Variants in MACO1 observed in about 807,000 individuals in gnomAD.
The protein encoded by MACO1 is macoilin.
A neutral mutation model predicts 78.7 loss-of-function variants in MACO1; 14 were observed. The observed-to-expected ratio is 0.18, with a 90% CI of 0.12 to 0.28. The LOEUF is 0.28. MACO1 is among the 10% of genes least tolerant of loss of function. MACO1 has a pLI of 1.00. For missense variants in MACO1, 501 were observed against 799.0 expected (o/e 0.63, Z 4.50); for synonymous variants, 288 against 291.6 (o/e 0.99, Z 0.12).
At chr1:25,491,635 G>T in intron 10 of MACO1, 51 bp downstream of exon 10, 2 of 1,548,550 alleles carry the variant, frequency 1.3e-6, no homozygotes, top group Non-Finnish European at 1.8e-6. Flanking sequence ...AATGCACAGG[G>T]ATGCACAGGC....
chr1:25,443,457 A>G (rs2042988734), intron 1 of MACO1, among the ~76,000 whole-genome samples: 1 of 152,234 alleles, frequency 6.6e-6, no homozygotes, highest in South Asian at 2.1e-4. Context: ...TAAAAGATCA[A>G]GTTTTCTTAG....
At chr1:25,432,258 T>A (rs2042882111) in intron 1 of MACO1, among the ~76,000 whole-genome samples, 1 of 152,242 alleles carries the variant, frequency 6.6e-6, no homozygotes, top group African/African-American at 2.4e-5. Flanking sequence ...CCAAGTTGTC[T>A]TAACATAACT....
chr1:25,476,307 A>G (rs2124601637), intron 6 of MACO1, among the ~76,000 whole-genome samples: 1 of 152,342 alleles, frequency 6.6e-6, no homozygotes, highest in East Asian at 1.9e-4. Flanking sequence ...GAGCAGAGAC[A>G]TAAAGTACTT....
chr1:25,454,564 C>T (rs533198845), intron 4 of MACO1, among the ~76,000 whole-genome samples, 182 bp downstream of exon 4: 2 of 150,080 alleles, frequency 1.3e-5, no homozygotes, highest in South Asian at 4.2e-4. Context: ...GTTATGCAAC[C>T]TCTGCCTCCC....
intron 3 of MACO1, 38 bp from the exon 4 acceptor site, chr1:25,454,221 C>T (rs1263006782): frequency 2.0e-6 from 3 of 1,530,608 alleles, no homozygotes; most frequent in East Asian, 4.9e-5. Flanking sequence ...GTTACTATAT[C>T]GTTTATTAAT....
intron 10 of MACO1, among the ~76,000 whole-genome samples, chr1:25,492,928 A>G (rs2043499830): frequency 6.6e-6 from 1 of 152,198 alleles, no homozygotes; most frequent in Non-Finnish European, 1.5e-5. Context: ...GTGCCTGCCC[A>G]TAGTCCCAGC....
intron 1 of MACO1, among the ~76,000 whole-genome samples, chr1:25,446,035 G>A (rs942006751): frequency 2.6e-5 from 4 of 152,094 alleles, no homozygotes; most frequent in Admixed American, 2.0e-4. Flanking sequence ...GTCCTAACTG[G>A]CTTGTCTGAG....
rs1396615952 is a variant in MACO1 at position 25,499,027 on chromosome 1, T to C, written c.*561T>C. Reference sequence around the variant, plus strand: ...ACCAAACAGATTCAAGGAGCATCATTTAAGCTAAGAAGAGACCTAAGTGAT... The same window carrying C: ...ACCAAACAGATTCAAGGAGCATCATCTAAGCTAAGAAGAGACCTAAGTGAT... On this transcript the variant is annotated 3_prime_UTR_variant, in exon 11 of 11. Coordinates refer to ENST00000374343, the MANE Select transcript of MACO1 (RefSeq NM_018202.6). 6.6e-6 allele frequency: 1 copy of C among 152,380 alleles called. No homozygotes were observed. Among genetic ancestry groups the C allele is most frequent in the Non-Finnish European group, 1.5e-5 (1 of 68,186 alleles). The allele number at this position is 152,380 out of a possible 1,614,324, so 9.4% of individuals were successfully genotyped here.
intron 6 of MACO1, among the ~76,000 whole-genome samples, chr1:25,468,416 A>G (rs1358167488): frequency 6.6e-6 from 1 of 152,226 alleles, no homozygotes; most frequent in Non-Finnish European, 1.5e-5. Flanking sequence ...CTTACCCTGC[A>G]GAGAGGCCAC....
At chr1:25,471,629 A>G (rs1422408872) in intron 6 of MACO1, among the ~76,000 whole-genome samples, 3 of 152,188 alleles carry the variant, frequency 2.0e-5, no homozygotes, top group African/African-American at 7.2e-5. Context: ...TGAATTAATA[A>G]ATGCTACCTT....
rs1190646046 is a variant in MACO1, at chr1:25,458,556, A to G, written c.818A>G (p.Asn273Ser). Residue 273 changes from asparagine to serine, a missense_variant, in exon 6 of 11, where the codon AAC becomes AGC. By Grantham distance (46) the Asn-to-Ser change is conservative. Around this residue, in one of 5 missense-constraint regions of MACO1, gnomAD observed 90 missense variants for 85.7 expected, o/e 1.05. Transcript: ENST00000374343. ...AKKHNLGINN[N>S]NILQPVDSKI... Reference sequence around the variant, plus strand: ...AAACACAACCTTGGAATAAATAACAACAATATTCTACAACCTGTAGACTCT... The same window carrying G: ...AAACACAACCTTGGAATAAATAACAGCAATATTCTACAACCTGTAGACTCT... 1 of 1,613,954 alleles carries G rather than the reference A, an allele frequency of 6.2e-7. No individual in the cohort carries two copies. The highest frequency in any genetic ancestry group is 8.5e-7 in the Non-Finnish European group (1 of 1,180,014).
intron 6 of MACO1, among the ~76,000 whole-genome samples, chr1:25,462,736 C>A (rs1350928490): frequency 6.6e-6 from 1 of 152,218 alleles, no homozygotes; most frequent in Non-Finnish European, 1.5e-5. Context: ...AAGGAGAATT[C>A]TTATAGCTCG....
In MACO1 at chr1:25,458,791, G is replaced by A. The variant is rs1557665109; in HGVS notation, c.1053G>A (p.Glu351=). 1 of 1,614,142 alleles carries A rather than the reference G, an allele frequency of 6.2e-7. No homozygotes were observed. Among genetic ancestry groups the A allele is most frequent in the Non-Finnish European group, 8.5e-7 (1 of 1,180,036 alleles). Residue 351 remains glutamate (E), a synonymous_variant, in exon 6 of 11, where the codon GAG becomes GAA. Transcript: ENST00000374343. ...GSIPSSSSKN[E]KKQKCTSKSP... ...TTCCTTCCTCATCTAGTAAAAATGA[G>A]AAGAAGCAGAAATGCACTAGCAAGA...
intron 8 of MACO1, among the ~76,000 whole-genome samples, chr1:25,488,179 G>A (rs1007226825): frequency 6.6e-6 from 1 of 152,178 alleles, no homozygotes; most frequent in Non-Finnish European, 1.5e-5. Flanking sequence ...AGCCTCCTGA[G>A]TAGCTGGGAC....
rs1315901979 is a variant in MACO1, at chr1:25,446,944, T to C, written c.222+41T>C. ...CATGTTTTCCATGTGTGGGGACCAT[T>C]CAGCTGTTTAGAGTAGATGTTATTA... On this transcript the variant is annotated intron_variant, in intron 2 of 10. Transcript: ENST00000374343. 6 of 1,595,336 alleles carry C rather than the reference T, an allele frequency of 3.8e-6. No homozygotes were observed. In the Admixed American group the frequency reaches 6.9e-5, roughly 18 times the overall value.
chr1:25,447,893 A>C (rs2043030051), intron 2 of MACO1, among the ~76,000 whole-genome samples: 1 of 152,032 alleles, frequency 6.6e-6, no homozygotes, highest in South Asian at 2.1e-4. Context: ...TAAAACTATA[A>C]CTCCCACCCA....
At chr1:25,473,336 A>G (rs2043291090) in intron 6 of MACO1, among the ~76,000 whole-genome samples, 1 of 152,206 alleles carries the variant, frequency 6.6e-6, no homozygotes, top group South Asian at 2.1e-4. Context: ...AAAACGTGGC[A>G]TTTTAGAAAC....
intron 6 of MACO1, among the ~76,000 whole-genome samples, chr1:25,465,375 A>G (rs372965575): frequency 1.1e-4 from 16 of 152,162 alleles, no homozygotes; most frequent in Non-Finnish European, 1.8e-4. Context: ...AACTGCCACA[A>G]TGTCTTTGAC....
chr1:25,432,972 A>G (rs2042888637), intron 1 of MACO1, among the ~76,000 whole-genome samples: 1 of 152,212 alleles, frequency 6.6e-6, no homozygotes, highest in Non-Finnish European at 1.5e-5. Flanking sequence ...ATGAAGATTT[A>G]TCATCTTACT....
Sources: gnomAD v4.1 joint callset for allele counts (sites outside exome capture counted in the v4.1 genomes callset) on GRCh38, gnomAD v4.1.1 for gene constraint, gnomAD v4.1.1 regional missense constraint, MANE v1.5 for transcripts, NCBI Gene and HGNC (gene_info 2026-07-23, HGNC 2026-07-21) for gene names.